Variants in SLCO3A1 observed in about 807,000 individuals in gnomAD.
The protein encoded by SLCO3A1 is solute carrier organic anion transporter family member 3A1.
Under a neutral mutation model 63.1 loss-of-function variants are expected in SLCO3A1, and 27 were observed. The observed-to-expected ratio is 0.43, with a 90% CI of 0.32 to 0.59. The LOEUF (loss-of-function observed/expected upper bound fraction) is 0.59, where lower values mean the gene tolerates loss of function less well. Ranked by LOEUF, SLCO3A1 falls within the 20% of genes least tolerant of loss-of-function variation. The pLI is 0.09. For missense variants in SLCO3A1, 773 were observed against 945.8 expected (o/e 0.82, Z 2.40); for synonymous variants, 473 against 409.9 (o/e 1.15, Z -1.86).
intron 2 of SLCO3A1, among the ~76,000 whole-genome samples, chr15:92,050,996 T>G (rs1038000641): frequency 3.9e-5 from 6 of 152,204 alleles, no homozygotes; most frequent in African/African-American, 1.4e-4. Flanking sequence ...CAAATCCACC[T>G]TCTTAGAGCA....
At chr15:91,964,742 AGTTT>A (rs1900593002) in intron 2 of SLCO3A1, among the ~76,000 whole-genome samples, 1 of 150,850 alleles carries the variant, frequency 6.6e-6, no homozygotes, top group African/African-American at 2.5e-5. Context: ...AAAATTAGAT[AGTTT>A]TTTTTTTTTT....
At chr15:91,893,958 C>T (rs1422295762) in intron 1 of SLCO3A1, among the ~76,000 whole-genome samples, 1 of 152,152 alleles carries the variant, frequency 6.6e-6, no homozygotes, top group Non-Finnish European at 1.5e-5. Flanking sequence ...ACTTGAATGC[C>T]AGGAGGACCA....
intron 2 of SLCO3A1, among the ~76,000 whole-genome samples, chr15:92,068,820 C>CG (rs1366319334): frequency 6.6e-6 from 1 of 152,202 alleles, no homozygotes; most frequent in Admixed American, 6.5e-5. Context: ...CCACCACTCA[C>CG]GCAGGCTTTG....
At chr15:91,981,199 G>A (rs185357549) in intron 2 of SLCO3A1, among the ~76,000 whole-genome samples, 2 of 152,122 alleles carry the variant, frequency 1.3e-5, no homozygotes, top group Non-Finnish European at 1.5e-5. Flanking sequence ...GGCTGCCATG[G>A]TCCTTCTCCC....
intron 2 of SLCO3A1, among the ~76,000 whole-genome samples, chr15:91,945,560 C>A (rs773332620): frequency 2.6e-5 from 4 of 152,148 alleles, no homozygotes; most frequent in South Asian, 2.1e-4. Flanking sequence ...ATGCAAAGGT[C>A]CTGTGGCGGA....
intron 2 of SLCO3A1, among the ~76,000 whole-genome samples, chr15:92,022,286 CTGAT>C (rs1424340778): frequency 6.6e-6 from 1 of 152,206 alleles, no homozygotes; most frequent in Non-Finnish European, 1.5e-5. Flanking sequence ...GTGGATTCGA[CTGAT>C]TGTATTTAGG....
At chr15:92,037,879 C>G (rs1356337778) in intron 2 of SLCO3A1, among the ~76,000 whole-genome samples, 1 of 152,192 alleles carries the variant, frequency 6.6e-6, no homozygotes, top group Non-Finnish European at 1.5e-5. Context: ...GTGACTTTAA[C>G]ACCATCACCT....
At chr15:91,946,922 G>A (rs919650340) in intron 2 of SLCO3A1, among the ~76,000 whole-genome samples, 10 of 152,192 alleles carry the variant, frequency 6.6e-5, no homozygotes, top group Non-Finnish European at 1.0e-4. Flanking sequence ...CCTGCCGTGC[G>A]TGCTGCTGGA....
At position 92,036,425 on chromosome 15, in the gene SLCO3A1, C is replaced by T. The variant is rs115420453; in HGVS notation, c.647-58456C>T. ...TTTTCTCTCACTGAAAATTCCACTTCGCCAAGAATTAAGGGACTCTAGCTC... is the reference window on the plus strand; with the variant it reads ...TTTTCTCTCACTGAAAATTCCACTTTGCCAAGAATTAAGGGACTCTAGCTC... On this transcript the variant is annotated intron_variant, in intron 2 of 9. Coordinates refer to ENST00000318445, the MANE Select transcript of SLCO3A1 (RefSeq NM_013272.4). Among the ~76,000 whole-genome samples the T allele has an allele frequency of 4.3e-3, 632 of 147,964 alleles. 6 individuals are homozygous for T. Among genetic ancestry groups the T allele is most frequent in the African/African-American group, 0.015 (605 of 39,796 alleles).
intron 4 of SLCO3A1, among the ~76,000 whole-genome samples, chr15:92,116,424 C>G (rs1339043392): frequency 6.6e-6 from 1 of 152,308 alleles, no homozygotes; most frequent in African/African-American, 2.4e-5. Flanking sequence ...TACCAAGCTC[C>G]TAATGAGAGT....
rs115552047 is a variant in SLCO3A1, at chr15:92,053,732, G to A, written c.647-41149G>A. On this transcript the variant is annotated intron_variant, in intron 2 of 9. Coordinates refer to ENST00000318445, the MANE Select transcript of SLCO3A1 (RefSeq NM_013272.4). Reference sequence around the variant, plus strand: ...TTTTACTTCTCATGGTTAAACTGGGGTTATGGGTTTGGAAGAGGAAGGACA... The same window carrying A: ...TTTTACTTCTCATGGTTAAACTGGGATTATGGGTTTGGAAGAGGAAGGACA... Among the ~76,000 whole-genome samples, 1,045 of 149,368 alleles carry A rather than the reference G, an allele frequency of 7.0e-3. 8 individuals carry two copies. The highest frequency in any genetic ancestry group is 0.025 in the African/African-American group (1,000 of 40,348).
At chr15:92,068,436 A>G (rs1203067386) in intron 2 of SLCO3A1, among the ~76,000 whole-genome samples, 1 of 151,914 alleles carries the variant, frequency 6.6e-6, no homozygotes, top group African/African-American at 2.4e-5. Context: ...TTTCAGCGCT[A>G]TAACTAAATT....
At chr15:92,124,497 C>T (rs1264935784) in intron 5 of SLCO3A1, among the ~76,000 whole-genome samples, 1 of 151,906 alleles carries the variant, frequency 6.6e-6, no homozygotes, top group African/African-American at 2.4e-5. Context: ...CATTCACACA[C>T]ATCCAATCTG....
chr15:91,928,837 C>T (rs1899124710), intron 2 of SLCO3A1, among the ~76,000 whole-genome samples: 1 of 152,194 alleles, frequency 6.6e-6, no homozygotes, highest in Non-Finnish European at 1.5e-5. Flanking sequence ...AGCTCACTCA[C>T]CAGACGGTTT....
intron 9 of SLCO3A1, among the ~76,000 whole-genome samples, chr15:92,158,245 A>G (rs1441243881): frequency 6.6e-6 from 1 of 152,172 alleles, no homozygotes; most frequent in Non-Finnish European, 1.5e-5. Context: ...GCACACTTCA[A>G]AACCAGGCTT....
At position 92,047,593 on chromosome 15, in the gene SLCO3A1, A is replaced by AATATATATATAATATATAAATAT. The variant is rs1466569806; in HGVS notation, c.647-47281_647-47280insTATAATATATAAATATATATATA. ...ATAAATATATATATAATATATATAT[A>AATATATATATAATATATAAATAT]ATATATAATATATATATAATATATA... On this transcript the variant is annotated intron_variant, in intron 2 of 9. Transcript: ENST00000318445. Among the ~76,000 whole-genome samples, 6 of 6,268 alleles carry AATATATATATAATATATAAATAT rather than the reference A, an allele frequency of 9.6e-4. 1 individual carries two copies. Among genetic ancestry groups the AATATATATATAATATATAAATAT allele is most frequent in the African/African-American group, 1.8e-3 (6 of 3,288 alleles). 4.1% of individuals were successfully genotyped at this position (6,268 alleles called of 152,430 possible). A position where few individuals can be genotyped will look rare whatever the true frequency, so the allele number is the denominator to read the frequency against.
chr15:91,917,473 T>C (rs367594025), intron 2 of SLCO3A1, among the ~76,000 whole-genome samples: 3 of 152,332 alleles, frequency 2.0e-5, no homozygotes, highest in Admixed American at 6.5e-5. Flanking sequence ...GAAATGCAGA[T>C]TTTTCTCTGT....
rs146063692 is a variant in SLCO3A1, at chr15:92,050,706, C to G, written c.647-44175C>G. 9.5e-3 allele frequency among the ~76,000 whole-genome samples: 1,443 copies of G among 152,322 alleles called. 19 individuals are homozygous for G. The highest frequency in any genetic ancestry group is 0.033 in the African/African-American group (1,368 of 41,562). Reference sequence around the variant, plus strand: ...CCATTACTCACTCAGCAACCAGAATCATCTTTTAGGTCACGTCCCTGCTTA... The same window carrying G: ...CCATTACTCACTCAGCAACCAGAATGATCTTTTAGGTCACGTCCCTGCTTA... On this transcript the variant is annotated intron_variant, in intron 2 of 9. Coordinates refer to ENST00000318445, the MANE Select transcript of SLCO3A1 (RefSeq NM_013272.4).
intron 2 of SLCO3A1, among the ~76,000 whole-genome samples, chr15:92,027,600 C>G (rs1276714560): frequency 6.6e-6 from 1 of 152,234 alleles, no homozygotes; most frequent in Non-Finnish European, 1.5e-5. Context: ...GCACAGTTTG[C>G]TCCCGACGCA....
Sources: allele counts gnomAD v4.1 joint callset (sites outside exome capture counted in the v4.1 genomes callset), GRCh38; gene constraint gnomAD v4.1.1; transcripts MANE v1.5; gene names NCBI Gene and HGNC (gene_info 2026-07-23, HGNC 2026-07-21).